KLF9: variants seen among roughly 807,000 people sequenced by gnomAD.
KLF9 encodes the protein KLF transcription factor 9.
In KLF9, 2 loss-of-function variants were observed where a neutral mutation model predicts 17.3. That is an observed-to-expected ratio of 0.12 (90% CI 0.05 to 0.36). The LOEUF (loss-of-function observed/expected upper bound fraction) is 0.36. Ranked by LOEUF, KLF9 falls within the 10% of genes least tolerant of loss-of-function variation. KLF9 has a pLI of 1.00. For missense variants in KLF9, 226 were observed against 333.2 expected (o/e 0.68, Z 2.51); for synonymous variants, 138 against 139.2 (o/e 0.99, Z 0.06).
chr9:70,413,456 C>G lies in KLF9; in HGVS notation c.-93G>C. The G allele has an allele frequency of 8.1e-7, 1 of 1,230,774 alleles. No individual in the cohort carries two copies. The highest frequency in any genetic ancestry group is 1.0e-6 in the Non-Finnish European group (1 of 980,252). The allele number at this position is 1,230,774 out of a possible 1,614,324, so 76.2% of individuals were successfully genotyped here. ...CTGCCCTGGCCTCGGACGACGAGCG[C>G]GGCGCGGCGCGGCACGGCGCGGCGG... is the stretch of plus-strand genomic sequence containing the variant. On this transcript the variant is annotated 5_prime_UTR_variant, in exon 1 of 2. Coordinates refer to ENST00000377126, the MANE Select transcript of KLF9 (RefSeq NM_001206.4). This position sits in a 1 kb window ranked among gnomAD's most constrained non-coding sequence, Gnocchi z 5.6.
In KLF9 at chr9:70,384,759, A is replaced by C. The variant is rs1322146562; in HGVS notation, c.*3017T>G. ...TGTACAAAAATAAAACTGATTAAAC[A>C]GTTGTAAAGATCAGTATCTTACAGT... is the stretch of plus-strand genomic sequence containing the variant. On this transcript the variant is annotated 3_prime_UTR_variant, in exon 2 of 2. Coordinates refer to ENST00000377126, the MANE Select transcript of KLF9 (RefSeq NM_001206.4). The C allele has an allele frequency of 6.5e-6, 1 of 152,690 alleles. No homozygotes were observed. The highest frequency in any genetic ancestry group is 1.5e-5 in the Non-Finnish European group (1 of 68,048). The allele number at this position is 152,690 out of a possible 1,614,324, so 9.5% of individuals were successfully genotyped here.
chr9:70,399,229 C>T (rs2037203972), intron 1 of KLF9, among the ~76,000 whole-genome samples: 1 of 152,164 alleles, frequency 6.6e-6, no homozygotes, highest in African/African-American at 2.4e-5. Context: ...ATTTTTAACA[C>T]AATGAAGATC....
chr9:70,402,882 G>C (rs530446070), intron 1 of KLF9, among the ~76,000 whole-genome samples: 1 of 152,304 alleles, frequency 6.6e-6, no homozygotes, highest in East Asian at 1.9e-4. Flanking sequence ...GGGCATGGTG[G>C]CTCACACATG....
At position 70,413,464 on chromosome 9, in the gene KLF9, C is replaced by T. The variant is rs945962120; in HGVS notation, c.-101G>A. 3 of 1,193,722 alleles carry T rather than the reference C, an allele frequency of 2.5e-6. No individual in the cohort carries two copies. The highest frequency in any genetic ancestry group is 7.6e-5 in the South Asian group (2 of 26,418). The allele number at this position is 1,193,722 out of a possible 1,614,324, so 73.9% of individuals were successfully genotyped here. On this transcript the variant is annotated 5_prime_UTR_variant, in exon 1 of 2. Transcript: ENST00000377126. The surrounding 1 kb of genome is among the most constrained non-coding windows in gnomAD (Gnocchi z 5.6). ...GCCTCGGACGACGAGCGCGGCGCGG[C>T]GCGGCACGGCGCGGCGGCCAAGGGG... is the stretch of plus-strand genomic sequence containing the variant.
At chr9:70,400,374 C>T (rs1329073747) in intron 1 of KLF9, among the ~76,000 whole-genome samples, 2 of 152,116 alleles carry the variant, frequency 1.3e-5, no homozygotes, top group African/African-American at 4.8e-5. Flanking sequence ...GGACAGCATG[C>T]AACATGGATG....
chr9:70,398,610 T>A (rs1336841112), intron 1 of KLF9, among the ~76,000 whole-genome samples: 1 of 151,892 alleles, frequency 6.6e-6, no homozygotes, highest in Admixed American at 6.6e-5. Flanking sequence ...TGTCTCAGTC[T>A]CCCAAGTAGC....
At position 70,413,749 on chromosome 9, in the gene KLF9, G is replaced by C. The variant is rs1314408511; in HGVS notation, c.-386C>G. On this transcript the variant is annotated 5_prime_UTR_variant, in exon 1 of 2. Coordinates refer to ENST00000377126, the MANE Select transcript of KLF9 (RefSeq NM_001206.4). This position sits in a 1 kb window ranked among gnomAD's most constrained non-coding sequence, Gnocchi z 5.6. ...CGACTGAAAACGCCCCCGAGGCGCT[G>C]GGAGAGGAAACTGCAAGAGAGGTGC... 1.3e-5 allele frequency: 2 copies of C among 152,758 alleles called. No homozygotes were observed. Among genetic ancestry groups the C allele is most frequent in the African/African-American group, 4.8e-5 (2 of 41,456 alleles). 9.5% of individuals were successfully genotyped at this position (152,758 alleles called of 1,614,324 possible).
At chr9:70,400,169 G>T (rs201351530) in intron 1 of KLF9, among the ~76,000 whole-genome samples, 1 of 152,162 alleles carries the variant, frequency 6.6e-6, no homozygotes, top group African/African-American at 2.4e-5. Flanking sequence ...CTCAGTGTGC[G>T]CACCCTTCTA....
rs1248361434 is a variant in KLF9, at chr9:70,413,767, A to G, written c.-404T>C. 1 of 152,754 alleles carries G rather than the reference A, an allele frequency of 6.5e-6. No homozygotes were observed. The highest frequency in any genetic ancestry group is 1.5e-5 in the Non-Finnish European group (1 of 68,234). 9.5% of individuals were successfully genotyped at this position (152,754 alleles called of 1,614,324 possible). ...AGGCGCTGGGAGAGGAAACTGCAAG[A>G]GAGGTGCACGCCCTCGGCCGCCTCG... On this transcript the variant is annotated 5_prime_UTR_variant, in exon 1 of 2. Coordinates refer to ENST00000377126, the MANE Select transcript of KLF9 (RefSeq NM_001206.4). This position sits in a 1 kb window ranked among gnomAD's most constrained non-coding sequence, Gnocchi z 5.6.
chr9:70,411,770 C>A (rs763322248), intron 1 of KLF9, among the ~76,000 whole-genome samples: 4 of 152,148 alleles, frequency 2.6e-5, no homozygotes, highest in Admixed American at 6.5e-5. Context: ...CCAACTAACT[C>A]CAACAATACC....
At chr9:70,397,989 T>C (rs2037193913) in intron 1 of KLF9, among the ~76,000 whole-genome samples, 1 of 152,232 alleles carries the variant, frequency 6.6e-6, no homozygotes, top group Non-Finnish European at 1.5e-5. Context: ...TTTTTCTGCA[T>C]ACATCATTTC....
In KLF9 at chr9:70,386,781, T is replaced by C. The variant is rs187641609; in HGVS notation, c.*995A>G. 4.6e-5 allele frequency: 7 copies of C among 152,448 alleles called. No homozygotes were observed. In the East Asian group the frequency reaches 1.3e-3, roughly 29 times the overall value. The allele number at this position is 152,448 out of a possible 1,614,324, so 9.4% of individuals were successfully genotyped here. A position where few individuals can be genotyped will look rare whatever the true frequency, so the allele number is the denominator to read the frequency against. ...AGAGTTAAAATTCTGTTGGTTCTTT[T>C]CTTTTTCTTTTGCAAAACACTACCC... On this transcript the variant is annotated 3_prime_UTR_variant, in exon 2 of 2. Transcript: ENST00000377126.
chr9:70,411,965 G>C (rs1197029183), intron 1 of KLF9, among the ~76,000 whole-genome samples: 1 of 152,028 alleles, frequency 6.6e-6, no homozygotes, highest in African/African-American at 2.4e-5. Context: ...GGATGACCCA[G>C]GTCCCTGGAA....
intron 1 of KLF9, among the ~76,000 whole-genome samples, chr9:70,389,793 A>G (rs2037141090): frequency 6.6e-6 from 1 of 152,208 alleles, no homozygotes; most frequent in Admixed American, 6.5e-5. Flanking sequence ...CTGGCTCCCA[A>G]GAGCCTGCCT....
intron 1 of KLF9, among the ~76,000 whole-genome samples, chr9:70,410,481 GA>G (rs2037303807): frequency 6.6e-6 from 1 of 152,218 alleles, no homozygotes; most frequent in African/African-American, 2.4e-5. Context: ...TAGCAGCACT[GA>G]ATTAGAAGAA....
chr9:70,413,281 C>A lies in KLF9; in HGVS notation c.83G>T (p.Gly28Val). The change falls in exon 1 of 2, where the codon GGG becomes GTG. Residue 28 changes from glycine to valine, a missense_variant. Coordinates refer to ENST00000377126, the MANE Select transcript of KLF9 (RefSeq NM_001206.4). This position sits in a 1 kb window ranked among gnomAD's most constrained non-coding sequence, Gnocchi z 5.6. ...CAGCCGCTCGGCGTCCGGAGCGACCCCATGCTCCGGCACCGCAGCGCGGTT... is the reference window on the plus strand; with the variant it reads ...CAGCCGCTCGGCGTCCGGAGCGACCACATGCTCCGGCACCGCAGCGCGGTT... ...ISNRAAVPEH[G>V]VAPDAERLRL... 2 of 1,612,618 alleles carry A rather than the reference C, an allele frequency of 1.2e-6. No individual in the cohort carries two copies. The highest frequency in any genetic ancestry group is 8.5e-7 in the Non-Finnish European group (1 of 1,179,718).
chr9:70,413,360 A>C lies in KLF9; in HGVS notation c.4T>G (p.Ser2Ala). The change falls in exon 1 of 2, where the codon TCC becomes GCC. Residue 2 changes from serine to alanine, a missense_variant. Coordinates refer to ENST00000377126, the MANE Select transcript of KLF9 (RefSeq NM_001206.4). The surrounding 1 kb of genome is among the most constrained non-coding windows in gnomAD (Gnocchi z 5.6). ...ACGAAGTCCATGTAGGCGGCCGCGG[A>C]CATGGTGCGGGCGACGGCAGCCCAG... is the stretch of plus-strand genomic sequence containing the variant. M[S>A]AAAYMDFVAA... is the part of the protein sequence containing the mutation. 6.5e-7 allele frequency: 1 copy of C among 1,532,356 alleles called. No individual in the cohort carries two copies. The allele number at this position is 1,532,356 out of a possible 1,614,324, so 94.9% of individuals were successfully genotyped here.
At chr9:70,409,140 A>ATG (rs1272863288) in intron 1 of KLF9, among the ~76,000 whole-genome samples, 2 of 57,926 alleles carry the variant, frequency 3.5e-5, no homozygotes, top group East Asian at 3.6e-4. Context: ...GTATACATAT[A>ATG]TATGTATATG....
intron 1 of KLF9, among the ~76,000 whole-genome samples, chr9:70,398,599 G>A (rs561923675): frequency 6.6e-5 from 10 of 150,722 alleles, no homozygotes; most frequent in South Asian, 2.1e-4. Flanking sequence ...AGCAATTCTC[G>A]TGTCTCAGTC....
Sources: gnomAD v4.1 joint callset for allele counts (sites outside exome capture counted in the v4.1 genomes callset) on GRCh38, gnomAD v4.1.1 for gene constraint, Gnocchi (gnomAD v3.1) non-coding constraint, MANE v1.5 for transcripts, NCBI Gene and HGNC (gene_info 2026-07-23, HGNC 2026-07-21) for gene names.